The following BSN variants were observed in gnomAD, a reference collection of about 807,000 sequenced individuals.
BSN encodes the protein protein bassoon.
A neutral mutation model predicts 264.8 loss-of-function variants in BSN; 57 were observed. The observed-to-expected ratio is 0.22, with a 90% confidence interval of 0.17 to 0.27. BSN has a LOEUF of 0.27. Ranked by LOEUF, BSN falls within the 10% of genes least tolerant of loss-of-function variation. The pLI is 1.00. For missense variants in BSN, 4,615 were observed against 5,232.5 expected, an observed-to-expected ratio of 0.88 and a Z score of 3.64; for synonymous variants, 2,059 against 2,137.3, an observed-to-expected ratio of 0.96 and a Z score of 1.01.
chr3:49,586,251 G>C lies in BSN; in HGVS notation c.224+31425G>C, dbSNP rs117701616. 9.5e-3 allele frequency among the ~76,000 whole-genome samples: 1,445 copies of C among 152,106 alleles called. 40 individuals are homozygous for C. The highest frequency in any genetic ancestry group is 0.06 in the Admixed American group (923 of 15,284). On this transcript the variant is annotated intron_variant, in intron 1 of 11. Transcript: ENST00000296452. ...TATATTTAAGTCCTTAATCCATTTTGATTTTATTTTTGTATATGATGAGAG... is the reference window on the plus strand; with the variant it reads ...TATATTTAAGTCCTTAATCCATTTTCATTTTATTTTTGTATATGATGAGAG...
chr3:49,568,133 C>G (rs1046015969), intron 1 of BSN, among the ~76,000 whole-genome samples: 6 of 152,182 alleles, frequency 3.9e-5, no homozygotes, highest in South Asian at 2.1e-4. Flanking sequence ...AAGATCCTGC[C>G]TAGGTTTAAA....
intron 8 of BSN, among the ~76,000 whole-genome samples, chr3:49,664,123 G>T (rs1197754815): frequency 2.6e-5 from 4 of 152,208 alleles, no homozygotes; most frequent in African/African-American, 9.7e-5. Context: ...AAGCAGGAAG[G>T]CACTGGTGAG....
rs576610681 is a variant in BSN at position 49,568,014 on chromosome 3, G to A, written c.224+13188G>A. On this transcript the variant is annotated intron_variant, in intron 1 of 11. Coordinates refer to ENST00000296452, the MANE Select transcript of BSN (RefSeq NM_003458.4). ...GCTGAGTTCCAAGGGTGGGGAGAGG[G>A]CAAGGTAGGGGTTGGGAGACAGGTG... Among the ~76,000 whole-genome samples, 11 of 152,302 alleles carry A rather than the reference G, an allele frequency of 7.2e-5. No individual in the cohort carries two copies. The East Asian group carries it at 9.7e-4, about 13-fold the overall frequency.
chr3:49,650,119 G>A (rs925909860), intron 3 of BSN, among the ~76,000 whole-genome samples: 2 of 152,230 alleles, frequency 1.3e-5, no homozygotes, highest in African/African-American at 2.4e-5. Flanking sequence ...GGGAAAGAGT[G>A]TGGGGAAGGA....
Position 49,660,537 on chromosome 3 carries a change from C to A in BSN, c.8692C>A (p.Pro2898Thr). 1 of 1,570,878 alleles carries A rather than the reference C, an allele frequency of 6.4e-7. No individual in the cohort carries two copies. The highest frequency in any genetic ancestry group is 1.8e-5 in the Admixed American group (1 of 56,110). The change falls in exon 6 of 12, where the codon CCC (proline) becomes ACC (threonine). Residue 2898 changes from proline to threonine, a missense_variant. Around this residue, in one of 3 missense-constraint regions of BSN, gnomAD observed 3,415 missense variants for 3,866.4 expected, o/e 0.88. Transcript: ENST00000296452. The surrounding 1 kb of genome is among the most constrained non-coding windows in gnomAD (Gnocchi z 7.1). ...GGTCCGCAAGGTGAAGCGGACACTG[C>A]CCAGCCCCCCTCCAGAGGAGGCTCA... The part of the protein sequence containing the change: ...SLVRKVKRTL[P>T]SPPPEEAHLP...
Position 49,653,329 on chromosome 3 carries a change from A to G in BSN, c.3773A>G (p.Glu1258Gly). Residue 1258 changes from glutamate (E) to glycine (G), a missense_variant, in exon 5 of 12, where the codon GAA (glutamate) becomes GGA (glycine). Glu to Gly is a moderately conservative substitution (Grantham distance 98). This residue lies in a region of BSN where 3,415 missense variants were observed against 3,866.4 expected (regional missense o/e 0.88). Transcript: ENST00000296452. The surrounding 1 kb of genome is among the most constrained non-coding windows in gnomAD (Gnocchi z 6.3). ...GCCAGCCTGGGAGCAGCCGTGTACG[A>G]AGAAATCCTTCAGACATCACAGAGC... ...TPASLGAAVY[E>G]EILQTSQSIV... 6.2e-7 allele frequency: 1 copy of G among 1,612,316 alleles called. No individual in the cohort carries two copies. Among genetic ancestry groups the G allele is most frequent in the Non-Finnish European group, 8.5e-7 (1 of 1,179,452 alleles).
In BSN at chr3:49,661,765, G is replaced by C; in HGVS notation, c.9920G>C (p.Ser3307Thr). 6.2e-7 allele frequency: 1 copy of C among 1,613,370 alleles called. No individual in the cohort carries two copies. The highest frequency in any genetic ancestry group is 8.5e-7 in the Non-Finnish European group (1 of 1,180,048). The change falls in exon 6 of 12, where the codon AGC (serine) becomes ACC (threonine). Residue 3307 changes from serine to threonine, a missense_variant. Physicochemically the swap from Ser to Thr is moderately conservative, Grantham distance 58. This residue lies in a region of BSN where 3,415 missense variants were observed against 3,866.4 expected (regional missense o/e 0.88). Coordinates refer to ENST00000296452, the MANE Select transcript of BSN (RefSeq NM_003458.4). ...CGCGGGAAGGGTGGCCACCTCCGGA[G>C]CATGGAGAGCAATGGTCGACCAGCC... Reference protein sequence around the residue: ...DPRGKGGHLRSMESNGRPAST... With the variant: ...DPRGKGGHLRTMESNGRPAST...
chr3:49,668,723 C>CG lies in BSN; in HGVS notation c.*1243dup, dbSNP rs2052730523. On this transcript the variant is annotated 3_prime_UTR_variant, in exon 12 of 12. Transcript: ENST00000296452. Reference sequence around the variant, plus strand: ...CAAGGGAAAGGCCCAGAGCCCTGTGCGGGGGAATGTGGCACTGTCTATCCA... The same window carrying CG: ...CAAGGGAAAGGCCCAGAGCCCTGTGCGGGGGGAATGTGGCACTGTCTATCCA... 1 of 152,636 alleles carries CG rather than the reference C, an allele frequency of 6.6e-6. No individual in the cohort carries two copies. Among genetic ancestry groups the CG allele is most frequent in the Non-Finnish European group, 1.5e-5 (1 of 68,044 alleles). The allele number at this position is 152,636 out of a possible 1,614,324, so 9.5% of individuals were successfully genotyped here.
intron 5 of BSN, among the ~76,000 whole-genome samples, chr3:49,658,882 T>C (rs957661661): frequency 6.6e-6 from 1 of 152,234 alleles, no homozygotes; most frequent in African/African-American, 2.4e-5. Flanking sequence ...GGCTGTGGGC[T>C]GCAGCCAAAG....
chr3:49,645,383 C>T (rs1288227533), intron 3 of BSN, among the ~76,000 whole-genome samples: 2 of 152,214 alleles, frequency 1.3e-5, no homozygotes, highest in African/African-American at 4.8e-5. Context: ...TACCACCATC[C>T]ACCACCAGAG....
intron 1 of BSN, among the ~76,000 whole-genome samples, chr3:49,605,872 T>TTATATATATATAAATATATTTATATCTA (rs1327516006): frequency 4.2e-5 from 2 of 48,140 alleles, no homozygotes; most frequent in Non-Finnish European, 7.4e-5. Context: ...TTATATCTAT[T>TTATATATATATAAATATATTTATATCTA]TATATATAGA....
rs931411319 is a variant in BSN at position 49,652,428 on chromosome 3, C to T, written c.2872C>T (p.Arg958Trp). 7 of 1,612,436 alleles carry T rather than the reference C, an allele frequency of 4.3e-6. No homozygotes were observed. Among genetic ancestry groups the T allele is most frequent in the East Asian group, 2.2e-5 (1 of 44,876 alleles). Residue 958 changes from arginine (R) to tryptophan (W), a missense_variant, in exon 5 of 12, where the codon CGG becomes TGG. Physicochemically the swap from Arg to Trp is moderately radical, Grantham distance 101 (BLOSUM62 -3). This residue lies in a region of BSN where 1,197 missense variants were observed against 1,348.0 expected (regional missense o/e 0.89). Coordinates refer to ENST00000296452, the MANE Select transcript of BSN (RefSeq NM_003458.4). ...CCAAGGCCCAGACCCCAGTCTGGAC[C>T]GGGAGCCTGAGCTGGAGATGGAGAG... ...LGQGPDPSLDREPELEMESLT... is the reference protein window; with the variant it reads ...LGQGPDPSLDWEPELEMESLT...
Position 49,655,141 on chromosome 3 carries a change from CAGT to C in BSN, c.5586_5588del (p.Val1865del), listed in dbSNP as rs746738422. On this transcript the variant is annotated inframe_deletion, in exon 5 of 12. Coordinates refer to ENST00000296452, the MANE Select transcript of BSN (RefSeq NM_003458.4). ...CTGCCAGGTGCCAGGAAGCCACACA[CAGT>C]GGTGGTGCAGATGGGAGAGGGCACA... 112 of 1,612,558 alleles carry C rather than the reference CAGT, an allele frequency of 6.9e-5. No homozygotes were observed. Among genetic ancestry groups the C allele is most frequent in the South Asian group, 3.7e-4 (34 of 91,044 alleles).
chr3:49,661,038 G>T lies in BSN; in HGVS notation c.9193G>T (p.Ala3065Ser). Residue 3065 changes from alanine to serine, a missense_variant, in exon 6 of 12, where the codon GCA becomes TCA. Coordinates refer to ENST00000296452, the MANE Select transcript of BSN (RefSeq NM_003458.4). ...RFQPPAPQYS[A>S]GSGGPTQNGF... ...CCAGCCTCCAGCCCCACAGTATTCTGCAGGCAGTGGTGGGCCAACTCAGAA... is the reference window on the plus strand; with the variant it reads ...CCAGCCTCCAGCCCCACAGTATTCTTCAGGCAGTGGTGGGCCAACTCAGAA... 1 of 1,611,282 alleles carries T rather than the reference G, an allele frequency of 6.2e-7. No homozygotes were observed. The highest frequency in any genetic ancestry group is 8.5e-7 in the Non-Finnish European group (1 of 1,179,844).
At position 49,668,834 on chromosome 3, in the gene BSN, T is replaced by C. The variant is rs1047018071; in HGVS notation, c.*1349T>C. On this transcript the variant is annotated 3_prime_UTR_variant, in exon 12 of 12. Transcript: ENST00000296452. The stretch of plus-strand genomic sequence containing the variant: ...GGGGCACAGCCACAAGTCTCATCTC[T>C]AACGTTCTATGCAATGAAATATAAA... 1 of 152,672 alleles carries C rather than the reference T, an allele frequency of 6.5e-6. No homozygotes were observed. The highest frequency in any genetic ancestry group is 1.5e-5 in the Non-Finnish European group (1 of 68,054). 9.5% of individuals were successfully genotyped at this position (152,672 alleles called of 1,614,324 possible).
At chr3:49,575,658 G>GTATA (rs10538409) in intron 1 of BSN, among the ~76,000 whole-genome samples, 16 of 141,638 alleles carry the variant, frequency 1.1e-4, no homozygotes, top group African/African-American at 2.1e-4. Flanking sequence ...GTGTGTGTGT[G>GTATA]TATATATATA....
At chr3:49,596,734 C>T (rs1313948721) in intron 1 of BSN, among the ~76,000 whole-genome samples, 2 of 152,118 alleles carry the variant, frequency 1.3e-5, no homozygotes, top group Admixed American at 6.5e-5. Flanking sequence ...GATCATAGCA[C>T]ACTACAGCTT....
At chr3:49,639,365 A>T (rs2052443706) in intron 2 of BSN, among the ~76,000 whole-genome samples, 1 of 150,952 alleles carries the variant, frequency 6.6e-6, no homozygotes, top group African/African-American at 2.4e-5. Context: ...CACCCGGCTA[A>T]TTTTTTCTAT....
chr3:49,581,109 G>A (rs1326975528), intron 1 of BSN, among the ~76,000 whole-genome samples: 1 of 152,018 alleles, frequency 6.6e-6, no homozygotes, highest in Non-Finnish European at 1.5e-5. Context: ...AGCCTCCCAG[G>A]TAGCTGGGCC....
Sources: allele counts gnomAD v4.1 joint callset (sites outside exome capture counted in the v4.1 genomes callset), GRCh38; gene constraint gnomAD v4.1.1; regional missense constraint gnomAD v4.1.1; non-coding constraint Gnocchi (gnomAD v3.1); transcripts MANE v1.5; gene names NCBI Gene and HGNC (gene_info 2026-07-23, HGNC 2026-07-21).